TRPC5: variants seen among roughly 807,000 people sequenced by gnomAD.
The protein encoded by TRPC5 is short transient receptor potential channel 5.
In TRPC5, 9 loss-of-function variants were observed where a neutral mutation model predicts 56.5. The ratio of observed to expected loss-of-function variants is 0.16; its 90% CI spans 0.10 to 0.28. The LOEUF is 0.28. Ranked by LOEUF, TRPC5 falls within the 10% of genes least tolerant of loss-of-function variation. The pLI, the probability that TRPC5 is intolerant of heterozygous loss-of-function variation, is 1.00. For synonymous variants in TRPC5, 282 were observed against 278.5 expected, an observed-to-expected ratio of 1.01 and a Z score of -0.13; for missense variants, 469 against 748.9, an observed-to-expected ratio of 0.63 and a Z score of 4.36.
chrX:111,906,364 A>C (rs973810550), intron 3 of TRPC5, among the ~76,000 whole-genome samples: 1 of 109,937 alleles, frequency 9.1e-6, no homozygotes, highest in African/African-American at 3.3e-5. Context: ...AAAAAAACAA[A>C]AAACAAAAAA....
intron 1 of TRPC5, among the ~76,000 whole-genome samples, chrX:112,035,088 TTAA>T (rs1569529911): frequency 2.1e-5 from 2 of 95,490 alleles, no homozygotes; most frequent in African/African-American, 8.9e-5. Context: ...TTTTTTTTTT[TTAA>T]AAAAAAAAAA....
At chrX:111,963,521 G>A (rs1000340930) in intron 1 of TRPC5, among the ~76,000 whole-genome samples, 1 of 112,150 alleles carries the variant, frequency 8.9e-6, no homozygotes, top group Non-Finnish European at 1.9e-5. Flanking sequence ...CGAGCAGACT[G>A]CCTCCTCAAG....
In TRPC5 at chrX:111,852,301, G is replaced by C; in HGVS notation, c.1374C>G (p.Val458=). ...ATISLKIVAY[V]KYNGSRPREE... ...TATGGCAGACATTCCAATTTACCTT[G>C]ACATAGGCCACAATCTTCAGGGAAA... Residue 458 remains valine (V), a synonymous_variant, in exon 5 of 11, where the codon GTC becomes GTG. Transcript: ENST00000262839. 8.3e-7 allele frequency: 1 copy of C among 1,206,928 alleles called. No individual in the cohort carries two copies. Among genetic ancestry groups the C allele is most frequent in the Non-Finnish European group, 1.1e-6 (1 of 893,358 alleles).
chrX:112,030,669 A>G (rs73548198), intron 1 of TRPC5, among the ~76,000 whole-genome samples: 3,854 of 111,907 alleles, frequency 0.034, 97 homozygotes, highest in African/African-American at 0.083. Context: ...CTATCCTTTC[A>G]CACAGAATGT....
In TRPC5 at chrX:111,952,442, C is replaced by A; in HGVS notation, c.-21-1G>T. The A allele has an allele frequency of 8.5e-7, 1 of 1,177,522 alleles. No individual in the cohort carries two copies. The highest frequency in any genetic ancestry group is 1.1e-6 in the Non-Finnish European group (1 of 878,292). On this transcript the variant is annotated splice_acceptor_variant, in intron 1 of 10. Coordinates refer to ENST00000262839, the MANE Select transcript of TRPC5 (RefSeq NM_012471.3). LOFTEE classifies it low-confidence loss of function (5UTR_SPLICE). ...CCATGGTTCATAGCAATGCAGAAAT[C>A]TGAGTGAGGAAACAGAGAAAGACCA...
At chrX:112,051,776 C>T (rs1930219201) in intron 1 of TRPC5, among the ~76,000 whole-genome samples, 1 of 111,691 alleles carries the variant, frequency 9.0e-6, no homozygotes, top group Admixed American at 9.5e-5. Context: ...TAAACAACCT[C>T]CCATTTCCCC....
chrX:112,028,855 T>A (rs756890198), intron 1 of TRPC5, among the ~76,000 whole-genome samples: 30 of 112,217 alleles, frequency 2.7e-4, no homozygotes, highest in African/African-American at 8.4e-4. Context: ...CGCCACACTG[T>A]CTTCCACAAT....
At chrX:111,964,568 G>A (rs754723427) in intron 1 of TRPC5, among the ~76,000 whole-genome samples, 1 of 112,009 alleles carries the variant, frequency 8.9e-6, no homozygotes, top group African/African-American at 3.3e-5. Flanking sequence ...TAAGGGCAGC[G>A]AGAGAGAAAG....
chrX:111,896,991 A>G (rs936573772), intron 3 of TRPC5, among the ~76,000 whole-genome samples: 1 of 112,240 alleles, frequency 8.9e-6, no homozygotes, highest in African/African-American at 3.2e-5. Context: ...GAGCACCAAC[A>G]TGACACCTTT....
chrX:111,816,715 G>C (rs1230677166), intron 7 of TRPC5, among the ~76,000 whole-genome samples: 1 of 110,386 alleles, frequency 9.1e-6, no homozygotes, highest in Non-Finnish European at 1.9e-5. Flanking sequence ...AAGGGAGAAG[G>C]GAAAAAAAAA....
intron 2 of TRPC5, among the ~76,000 whole-genome samples, chrX:111,943,596 T>C (rs902594383): frequency 8.9e-6 from 1 of 112,420 alleles, no homozygotes; most frequent in Non-Finnish European, 1.9e-5. Context: ...GGGCGGGCCA[T>C]GGGGAGAAGG....
intron 1 of TRPC5, among the ~76,000 whole-genome samples, chrX:112,034,482 A>AT (rs1306608149): frequency 9.1e-6 from 1 of 109,753 alleles, no homozygotes; most frequent in Non-Finnish European, 1.9e-5. Flanking sequence ...TTGTATGTTG[A>AT]TTTTTGTTCT....
intron 2 of TRPC5, among the ~76,000 whole-genome samples, chrX:111,943,650 C>G (rs1926842255): frequency 8.9e-6 from 1 of 112,146 alleles, no homozygotes; most frequent in Admixed American, 9.4e-5. Flanking sequence ...CGCAAGTGAC[C>G]AAGAAAGAAA....
At chrX:111,965,933 G>A (rs1199185252) in intron 1 of TRPC5, among the ~76,000 whole-genome samples, 1 of 111,265 alleles carries the variant, frequency 9.0e-6, no homozygotes, top group Non-Finnish European at 1.9e-5. Context: ...GCAAGCAAGA[G>A]CAAACACATT....
chrX:111,892,049 G>A (rs776102845), intron 3 of TRPC5, among the ~76,000 whole-genome samples: 1 of 111,794 alleles, frequency 8.9e-6, no homozygotes, highest in Non-Finnish European at 1.9e-5. Flanking sequence ...ATCTGTAATC[G>A]GTGATCATCT....
At chrX:111,846,236 C>A (rs921332769) in intron 6 of TRPC5, among the ~76,000 whole-genome samples, 1 of 111,215 alleles carries the variant, frequency 9.0e-6, no homozygotes, top group Non-Finnish European at 1.9e-5. Flanking sequence ...ATCTTGGGGT[C>A]ATTGCTATGA....
chrX:111,815,631 G>A (rs922535287), intron 7 of TRPC5, among the ~76,000 whole-genome samples: 2 of 110,521 alleles, frequency 1.8e-5, no homozygotes, highest in Non-Finnish European at 3.8e-5. Context: ...TGAGGCAGGC[G>A]AATTGCTTTA....
intron 3 of TRPC5, among the ~76,000 whole-genome samples, chrX:111,900,896 C>T (rs1363312432): frequency 9.0e-6 from 1 of 111,408 alleles, no homozygotes; most frequent in Non-Finnish European, 1.9e-5. Flanking sequence ...TCTAGATTTT[C>T]AAACAAATAA....
rs979964475 is a variant in TRPC5, at chrX:111,844,128, G to A, written c.1700+2986C>T. 6.4e-5 allele frequency among the ~76,000 whole-genome samples: 7 copies of A among 110,226 alleles called. No individual in the cohort carries two copies. The East Asian group carries it at 1.7e-3, about 27-fold the overall frequency. Reference sequence around the variant, plus strand: ...ATTAAAGGGGATATAGGTTGGAAGTGAAGATACGGAGAAAAGGAATAAGGA... The same window carrying A: ...ATTAAAGGGGATATAGGTTGGAAGTAAAGATACGGAGAAAAGGAATAAGGA... On this transcript the variant is annotated intron_variant, in intron 6 of 10. Coordinates refer to ENST00000262839, the MANE Select transcript of TRPC5 (RefSeq NM_012471.3).
Sources: gnomAD v4.1 joint callset for allele counts (sites outside exome capture counted in the v4.1 genomes callset) on GRCh38, gnomAD v4.1.1 for gene constraint, MANE v1.5 for transcripts, NCBI Gene and HGNC (gene_info 2026-07-23, HGNC 2026-07-21) for gene names.